The following TAS2R1 variants were observed in gnomAD, a reference collection of about 807,000 sequenced individuals.
The protein encoded by TAS2R1 is taste 2 receptor member 1.
For synonymous variants in TAS2R1, 141 were observed against 134.2 expected (o/e 1.05, Z -0.35); for missense variants, 370 against 353.4 (o/e 1.05, Z -0.38).
chr5:9,891,860 C>T, the TAS2R1 span, among the ~76,000 whole-genome samples: 1 of 152,180 alleles, frequency 6.6e-6, no homozygotes, highest in East Asian at 1.9e-4. Context: ...TGCCCAACAA[C>T]TCACAATCAT....
At chr5:9,671,004 T>A (rs1204134209) in intron 1 of TAS2R1, among the ~76,000 whole-genome samples, 1 of 152,196 alleles carries the variant, frequency 6.6e-6, no homozygotes, top group East Asian at 1.9e-4. Flanking sequence ...AATCAATAAA[T>A]GTGATTCACC....
At chr5:9,865,504 A>G in the TAS2R1 span, among the ~76,000 whole-genome samples, 1 of 152,200 alleles carries the variant, frequency 6.6e-6, no homozygotes, top group African/African-American at 2.4e-5. Context: ...TCTTCCTTTC[A>G]GCATTCTGTG....
chr5:9,864,215 T>C, the TAS2R1 span, among the ~76,000 whole-genome samples: 1 of 152,210 alleles, frequency 6.6e-6, no homozygotes. Context: ...CTGCTGTGCC[T>C]GAGTGTGGTC....
the TAS2R1 span, among the ~76,000 whole-genome samples, chr5:9,719,778 C>A: frequency 1.6e-5 from 2 of 123,090 alleles, no homozygotes; most frequent in Non-Finnish European, 3.9e-5. Flanking sequence ...ATTAGCCGGG[C>A]GTGGTGGCGG....
At chr5:9,740,698 T>A in the TAS2R1 span, among the ~76,000 whole-genome samples, 1 of 152,132 alleles carries the variant, frequency 6.6e-6, no homozygotes, top group Non-Finnish European at 1.5e-5. Context: ...ATCAGAGACA[T>A]CTCCCAGTAA....
chr5:9,817,382 C>T, the TAS2R1 span, among the ~76,000 whole-genome samples: 2 of 152,148 alleles, frequency 1.3e-5, no homozygotes, highest in African/African-American at 4.8e-5. Flanking sequence ...TTTTTAATGA[C>T]AATTTTACAG....
the TAS2R1 span, among the ~76,000 whole-genome samples, chr5:9,807,538 G>T: frequency 1.3e-5 from 2 of 152,046 alleles, no homozygotes; most frequent in East Asian, 3.9e-4. Flanking sequence ...TAGAAAATTT[G>T]GTATATCTAC....
At chr5:9,783,630 G>T in the TAS2R1 span, among the ~76,000 whole-genome samples, 2 of 152,100 alleles carry the variant, frequency 1.3e-5, no homozygotes, top group South Asian at 2.1e-4. Flanking sequence ...TAGAGTAAAA[G>T]AATTTTGTGC....
the TAS2R1 span, among the ~76,000 whole-genome samples, chr5:9,736,730 C>A: frequency 6.6e-6 from 1 of 152,086 alleles, no homozygotes; most frequent in Non-Finnish European, 1.5e-5. Context: ...GTATAACATA[C>A]CCCATCTCCC....
the TAS2R1 span, among the ~76,000 whole-genome samples, chr5:9,796,735 AAAAAGAAAAG>A: frequency 2.0e-5 from 3 of 146,954 alleles, no homozygotes; most frequent in African/African-American, 7.9e-5. Flanking sequence ...AAAAAAAAAA[AAAAAGAAAAG>A]AAAAAAAAAA....
rs1739835743 is a variant in TAS2R1, at chr5:9,629,783, T to C, written c.250A>G (p.Ile84Val). 6.2e-7 allele frequency: 1 copy of C among 1,613,692 alleles called. No individual in the cohort carries two copies. Among genetic ancestry groups the C allele is most frequent in the African/African-American group, 1.3e-5 (1 of 74,854 alleles). Residue 84 changes from isoleucine (I) to valine (V), a missense_variant, in exon 1 of 1, where the codon ATT becomes GTT. Coordinates refer to ENST00000382492, the MANE Select transcript of TAS2R1 (RefSeq NM_019599.3). The stretch of plus-strand genomic sequence containing the variant: ...TCCAATTCATTTATAAATAAGAGAA[T>C]TGCACAATTCGCAGAACACATGATG... ...EFIMCSANCA[I>V]LLFINELELW...
intron 1 of TAS2R1, among the ~76,000 whole-genome samples, chr5:9,707,131 AG>A (rs1290719947): frequency 6.6e-6 from 1 of 152,200 alleles, no homozygotes; most frequent in African/African-American, 2.4e-5. Flanking sequence ...AGAGGATCTT[AG>A]GCAGAGACAA....
At chr5:9,666,676 C>G (rs1198946023) in intron 1 of TAS2R1, among the ~76,000 whole-genome samples, 1 of 151,872 alleles carries the variant, frequency 6.6e-6, no homozygotes, top group Non-Finnish European at 1.5e-5. Context: ...AAAACTAGAT[C>G]TGCAGATAAT....
Position 9,650,978 on chromosome 5 carries a change from T to C in TAS2R1, c.-81+8443A>G, listed in dbSNP as rs1040916086. Among the ~76,000 whole-genome samples, 3 of 152,292 alleles carry C rather than the reference T, an allele frequency of 2.0e-5. No individual in the cohort carries two copies. In the South Asian group the frequency reaches 6.2e-4, roughly 32 times the overall value. On this transcript the variant is annotated intron_variant, in intron 2 of 2. Transcript: ENST00000506620. ...GCTGATCAATGACACTGCAGAAAGG[T>C]CCACCAGAGAATGCAACCTGAAGAT...
At position 9,629,797 on chromosome 5, in the gene TAS2R1, G is replaced by C. The variant is rs748340191; in HGVS notation, c.236C>G (p.Ser79Cys). ...AAATAAGAGAATTGCACAATTCGCA[G>C]AACACATGATGAATTCTATGAAGAA... ...VIFFIEFIMC[S>C]ANCAILLFIN... is the part of the protein sequence containing the mutation. Residue 79 changes from serine to cysteine, a missense_variant, in exon 1 of 1, where the codon TCT (serine) becomes TGT (cysteine). Ser to Cys is a moderately radical substitution (Grantham distance 112). Coordinates refer to ENST00000382492, the MANE Select transcript of TAS2R1 (RefSeq NM_019599.3). The C allele has an allele frequency of 1.6e-5, 26 of 1,613,930 alleles. No homozygotes were observed. Among genetic ancestry groups the C allele is most frequent in the Non-Finnish European group, 2.2e-5 (26 of 1,179,938 alleles).
At chr5:9,632,653 G>T (rs141452973), upstream of TAS2R1, among the ~76,000 whole-genome samples, 689 of 152,282 alleles carry the variant, frequency 4.5e-3, 1 homozygote, top group African/African-American at 0.016. Flanking sequence ...ACCAGGAGTA[G>T]TTTCCATCTG....
the TAS2R1 span, among the ~76,000 whole-genome samples, chr5:9,788,511 G>A: frequency 2.0e-5 from 3 of 152,124 alleles, no homozygotes; most frequent in Admixed American, 6.5e-5. Context: ...CTAAAAACCC[G>A]TGAGAGCTAA....
the TAS2R1 span, among the ~76,000 whole-genome samples, chr5:9,861,435 A>T: frequency 2.0e-5 from 3 of 152,244 alleles, no homozygotes; most frequent in Non-Finnish European, 2.9e-5. Flanking sequence ...TGCCTGCAAC[A>T]GTACAAGTTA....
chr5:9,647,280 T>G (rs183143231), intron 2 of TAS2R1, among the ~76,000 whole-genome samples: 1 of 152,312 alleles, frequency 6.6e-6, no homozygotes, highest in East Asian at 1.9e-4. Context: ...ACTATTCAGA[T>G]GTCTTGCATT....
Sources: gnomAD v4.1 joint callset for allele counts (sites outside exome capture counted in the v4.1 genomes callset) on GRCh38, gnomAD v4.1.1 for gene constraint, MANE v1.5 for transcripts, NCBI Gene and HGNC (gene_info 2026-07-23, HGNC 2026-07-21) for gene names.